The following ANGEL2 variants were observed in gnomAD, a reference collection of about 807,000 sequenced individuals.
The protein encoded by ANGEL2 is angel homolog 2, also known as RNA 2',3'-cyclic phosphatase ANGEL2.
In ANGEL2, 41 loss-of-function variants were observed where a neutral mutation model predicts 66.0. The observed-to-expected ratio is 0.62, with a 90% CI of 0.48 to 0.81. The LOEUF is 0.81. Among genes scored for constraint, ANGEL2 ranks in the 30% least tolerant of loss-of-function variants. The pLI is 0.00. For synonymous variants in ANGEL2, 208 were observed against 226.5 expected (o/e 0.92, Z 0.73); for missense variants, 561 against 641.6 (o/e 0.87, Z 1.36).
intron 7 of ANGEL2, among the ~76,000 whole-genome samples, chr1:212,999,940 CTTTG>C (rs1469768440): frequency 2.0e-5 from 3 of 152,118 alleles, no homozygotes; most frequent in African/African-American, 7.2e-5. Context: ...TGATCTTGAC[CTTTG>C]TTTAAGTATG....
At chr1:212,995,495 C>A (rs1217044777) in intron 8 of ANGEL2, among the ~76,000 whole-genome samples, 1 of 152,180 alleles carries the variant, frequency 6.6e-6, no homozygotes, top group Non-Finnish European at 1.5e-5. Flanking sequence ...ACATAAGAAA[C>A]TCATCCAGCA....
chr1:213,015,514 A>ATC, intron 1 of ANGEL2, 99 bp downstream of exon 1: 10 of 1,407,616 alleles, frequency 7.1e-6, no homozygotes, highest in East Asian at 5.7e-5. Context: ...TTCCACCCCT[A>ATC]GCCCGCCCCG....
chr1:213,009,589 C>T (rs1403432127), intron 2 of ANGEL2, among the ~76,000 whole-genome samples: 1 of 152,128 alleles, frequency 6.6e-6, no homozygotes, highest in Non-Finnish European at 1.5e-5. Context: ...ATCCTATACA[C>T]TTATATAGAG....
chr1:213,009,705 A>G (rs927007034), intron 2 of ANGEL2, among the ~76,000 whole-genome samples: 1 of 152,262 alleles, frequency 6.6e-6, no homozygotes, highest in African/African-American at 2.4e-5. Context: ...CAATACATTT[A>G]CAATCAAAAT....
chr1:213,005,604 C>T lies in ANGEL2; in HGVS notation c.713-150G>A, dbSNP rs187691178. The T allele has an allele frequency of 4.4e-4, 380 of 872,402 alleles. 1 individual carries two copies. The Middle Eastern group carries it at 8.3e-3, about 19-fold the overall frequency. 54.0% of individuals were successfully genotyped at this position (872,402 alleles called of 1,614,324 possible). ...TGTCAATAAACATTGGAATAAAAAA[C>T]GTTTGACACTGGGTCTAACAGGCCT... On this transcript the variant is annotated intron_variant, in intron 4 of 8. Transcript: ENST00000366962.
chr1:212,995,148 G>T lies in ANGEL2; in HGVS notation c.1528C>A (p.Leu510Met). ...AAGTCTTGTTCTGTAAGAAGTGACAGTCTAGCTAGAAGTTTCAAGCCACCA... is the reference window on the plus strand; with the variant it reads ...AAGTCTTGTTCTGTAAGAAGTGACATTCTAGCTAGAAGTTTCAAGCCACCA... ...LVGGLKLLAR[L>M]SLLTEQDLWT... Residue 510 changes from leucine to methionine, a missense_variant, in exon 9 of 9, where the codon CTG (leucine) becomes ATG (methionine). Transcript: ENST00000366962. 1 of 1,610,562 alleles carries T rather than the reference G, an allele frequency of 6.2e-7. No individual in the cohort carries two copies. Among genetic ancestry groups the T allele is most frequent in the Non-Finnish European group, 8.5e-7 (1 of 1,178,042 alleles).
chr1:213,015,775 G>A lies in ANGEL2; in HGVS notation c.-104C>T. On this transcript the variant is annotated 5_prime_UTR_variant, in exon 1 of 9. Transcript: ENST00000366962. ...ATCTAGGGAACCCCATCACTCTTAA[G>A]TACCGACTCCAGTCCTGGCTGCAAG... The A allele has an allele frequency of 6.7e-7, 1 of 1,498,758 alleles. No individual in the cohort carries two copies. Among genetic ancestry groups the A allele is most frequent in the African/African-American group, 1.4e-5 (1 of 72,956 alleles). The allele number at this position is 1,498,758 out of a possible 1,614,324, so 92.8% of individuals were successfully genotyped here.
At chr1:212,996,176 G>T (rs188672480) in intron 8 of ANGEL2, among the ~76,000 whole-genome samples, 2 of 151,862 alleles carry the variant, frequency 1.3e-5, no homozygotes, top group Non-Finnish European at 2.9e-5. Context: ...GCATGGTGGC[G>T]GGCGCCTGTA....
intron 5 of ANGEL2, chr1:213,001,531 T>C (rs970958871): frequency 6.6e-6 from 1 of 152,254 alleles, no homozygotes; most frequent in East Asian, 1.9e-4. Flanking sequence ...ATCAGGGTGA[T>C]GGTTGCTTAA....
chr1:213,006,893 T>G (rs1227528584), intron 4 of ANGEL2: 8 of 400,308 alleles, frequency 2.0e-5, no homozygotes. Flanking sequence ...TTTTCAAAAG[T>G]AAATTTGGCT....
chr1:213,004,392 G>T (rs1166888064), intron 5 of ANGEL2, among the ~76,000 whole-genome samples: 3 of 151,674 alleles, frequency 2.0e-5, no homozygotes, highest in Non-Finnish European at 4.4e-5. Context: ...TATAATAAAT[G>T]TTAAATTACT....
Position 213,008,302 on chromosome 1 carries a change from A to G in ANGEL2, c.550T>C (p.Ser184Pro). The change falls in exon 3 of 9, where the codon TCT becomes CCT. Residue 184 changes from serine (S) to proline (P), a missense_variant. Coordinates refer to ENST00000366962, the MANE Select transcript of ANGEL2 (RefSeq NM_144567.5). ...ILSQDLLEDN[S>P]HLYRHCRRPV... ...CGCCGGCAATGTCTATAAAGGTGAG[A>G]GTTATCTTCCAGTAAATCTTGTGAA... 1.2e-6 allele frequency: 2 copies of G among 1,614,188 alleles called. No individual in the cohort carries two copies. The highest frequency in any genetic ancestry group is 1.7e-6 in the Non-Finnish European group (2 of 1,179,992).
chr1:213,015,553 G>A lies in ANGEL2; in HGVS notation c.59+60C>T. The A allele has an allele frequency of 1.0e-5, 6 of 594,246 alleles. No homozygotes were observed. The Admixed American group carries it at 2.4e-4, about 24-fold the overall frequency. 36.8% of individuals were successfully genotyped at this position (594,246 alleles called of 1,614,324 possible). On this transcript the variant is annotated intron_variant, in intron 1 of 8. Transcript: ENST00000366962. ...CGCCCCGGGTTAGTCCCGGACGCCC[G>A]CCCGCTCTTTCAGGCCGCCCGCCCC...
Position 212,997,169 on chromosome 1 carries a change from A to G in ANGEL2, c.1469T>C (p.Val490Ala), listed in dbSNP as rs771253886. ...YIFYSAEKED[V>A]AGHPGAEVAL... ...GCATTCCTTACCTGGGTGCCCAGCAACATCTTCCTTTTCTGCAGAGTAGAA... is the reference window on the plus strand; with the variant it reads ...GCATTCCTTACCTGGGTGCCCAGCAGCATCTTCCTTTTCTGCAGAGTAGAA... Residue 490 changes from valine to alanine, a missense_variant, in exon 8 of 9, where the codon GTT (valine) becomes GCT (alanine). Transcript: ENST00000366962. The G allele has an allele frequency of 1.3e-5, 21 of 1,612,852 alleles. No individual in the cohort carries two copies. The highest frequency in any genetic ancestry group is 1.7e-5 in the Non-Finnish European group (20 of 1,179,122).
chr1:213,013,241 T>G lies in ANGEL2; in HGVS notation c.237A>C (p.Arg79Ser). The G allele has an allele frequency of 1.2e-6, 2 of 1,614,112 alleles. No homozygotes were observed. The highest frequency in any genetic ancestry group is 8.5e-7 in the Non-Finnish European group (1 of 1,180,014). Residue 79 changes from arginine to serine, a missense_variant, in exon 2 of 9, where the codon AGA (arginine) becomes AGC (serine). By Grantham distance (110) the Arg-to-Ser change is moderately radical. Transcript: ENST00000366962. ...FSSRHFSLNW[R>S]PPCLFESRTQ... ...TTCTAGACTCAAACAAACAGGGTGGTCTCCAATTTAGTGAAAAATGCCTAC... is the reference window on the plus strand; with the variant it reads ...TTCTAGACTCAAACAAACAGGGTGGGCTCCAATTTAGTGAAAAATGCCTAC...
intron 8 of ANGEL2, among the ~76,000 whole-genome samples, chr1:212,996,714 A>G (rs1452541399): frequency 6.8e-6 from 1 of 147,858 alleles, no homozygotes; most frequent in Non-Finnish European, 1.5e-5. Flanking sequence ...AGTCAACATG[A>G]CAGCATAAGC....
At position 213,005,245 on chromosome 1, in the gene ANGEL2, T is replaced by G; in HGVS notation, c.922A>C (p.Asn308His). The change falls in exon 5 of 9, where the codon AAT (asparagine) becomes CAT (histidine). Residue 308 changes from asparagine (N) to histidine (H), a missense_variant. Asn to His is a moderately conservative substitution (Grantham distance 68). Transcript: ENST00000366962. ...CTTGGATTATACAACAGATGCGTATTTGCTACGCAGATTGCAGGGCAGGCA... is the reference window on the plus strand; with the variant it reads ...CTTGGATTATACAACAGATGCGTATGTGCTACGCAGATTGCAGGGCAGGCA... ...YAACPAICVA[N>H]THLLYNPRRG... The G allele has an allele frequency of 6.2e-7, 1 of 1,614,212 alleles. No individual in the cohort carries two copies. The highest frequency in any genetic ancestry group is 1.1e-5 in the South Asian group (1 of 91,090).
chr1:213,008,503 C>T (rs750568076), intron 2 of ANGEL2, 37 bp from the exon 3 acceptor site: 1 of 1,587,460 alleles, frequency 6.3e-7, no homozygotes, highest in Non-Finnish European at 8.6e-7. Context: ...AGGAATTAAT[C>T]AAAAGCAGAC....
In ANGEL2 at chr1:213,000,323, C is replaced by G; in HGVS notation, c.1319+3G>C. The G allele has an allele frequency of 6.2e-7, 1 of 1,613,086 alleles. No homozygotes were observed. Among genetic ancestry groups the G allele is most frequent in the Non-Finnish European group, 8.5e-7 (1 of 1,179,122 alleles). On this transcript the variant is annotated splice_donor_region_variant and intron_variant, in intron 7 of 8. Transcript: ENST00000366962. The stretch of plus-strand genomic sequence containing the variant: ...ATGTCTCCTTTTGCTTTCCAGAACT[C>G]ACTTTTCAGCTGTCACTAGGACCTC...
Sources: allele counts gnomAD v4.1 joint callset (sites outside exome capture counted in the v4.1 genomes callset), GRCh38; gene constraint gnomAD v4.1.1; transcripts MANE v1.5; gene names NCBI Gene and HGNC (gene_info 2026-07-23, HGNC 2026-07-21).